CPNE4: variants seen among roughly 807,000 people sequenced by gnomAD.
CPNE4 encodes the protein copine-4.
Under a neutral mutation model 67.9 loss-of-function variants are expected in CPNE4, and 25 were observed. That is an observed-to-expected ratio of 0.37 (90% CI 0.27 to 0.51). The LOEUF (loss-of-function observed/expected upper bound fraction) is 0.51, where lower values mean the gene tolerates loss of function less well. Among genes scored for constraint, CPNE4 ranks in the 20% least tolerant of loss-of-function variants. The pLI is 0.93. For missense variants in CPNE4, 464 were observed against 690.8 expected, an observed-to-expected ratio of 0.67 and a Z score of 3.68; for synonymous variants, 242 against 244.9, an observed-to-expected ratio of 0.99 and a Z score of 0.11.
intron 2 of CPNE4, among the ~76,000 whole-genome samples, chr3:131,823,230 T>A (rs1475620953): frequency 6.6e-6 from 1 of 152,244 alleles, no homozygotes; most frequent in African/African-American, 2.4e-5. Context: ...TGCCATGCAT[T>A]GTGCTAGATG....
intron 2 of CPNE4, among the ~76,000 whole-genome samples, chr3:131,782,606 A>C (rs1246100418): frequency 6.6e-6 from 1 of 152,104 alleles, no homozygotes; most frequent in Non-Finnish European, 1.5e-5. Flanking sequence ...TAGATTTAAA[A>C]TGTTCTACTA....
intron 2 of CPNE4, among the ~76,000 whole-genome samples, chr3:131,778,347 A>G (rs1447527397): frequency 2.6e-5 from 4 of 152,046 alleles, no homozygotes; most frequent in Non-Finnish European, 5.9e-5. Flanking sequence ...GTCTTGGAGA[A>G]GCAGCCTGTC....
intron 3 of CPNE4, among the ~76,000 whole-genome samples, chr3:131,717,044 G>A (rs1051857471): frequency 9.9e-5 from 15 of 152,228 alleles, no homozygotes; most frequent in Admixed American, 6.5e-4. Flanking sequence ...GAAGGAAAAT[G>A]TTGATGTTTT....
chr3:131,891,420 G>GT lies in CPNE4; in HGVS notation c.180+13843dup, dbSNP rs58533568. Among the ~76,000 whole-genome samples the GT allele has an allele frequency of 2.4e-3, 365 of 149,956 alleles. 2 individuals carry two copies. Among genetic ancestry groups the GT allele is most frequent in the African/African-American group, 7.1e-3 (292 of 40,900 alleles). On this transcript the variant is annotated intron_variant, in intron 2 of 15. Coordinates refer to ENST00000429747, the MANE Select transcript of CPNE4 (RefSeq NM_130808.3). ...TTAATCAAAACTCATCAAGCTACGA[G>GT]TTTTTTTTTTAAACTTTTGAGTTCA...
intron 2 of CPNE4, among the ~76,000 whole-genome samples, chr3:131,899,381 T>C (rs1420663296): frequency 3.3e-5 from 5 of 152,144 alleles, no homozygotes; most frequent in African/African-American, 1.2e-4. Context: ...ACCAGAAATC[T>C]GGAGTTTTAT....
rs7646693 is a variant in CPNE4, at chr3:131,623,935, G to A, written c.682-36353C>T. On this transcript the variant is annotated intron_variant, in intron 7 of 15. Coordinates refer to ENST00000429747, the MANE Select transcript of CPNE4 (RefSeq NM_130808.3). ...ATCTATGCTGTATGAGGCATTACCC[G>A]ATGTGGGTAAAACATAAAGAGAGTA... 5.9e-3 allele frequency among the ~76,000 whole-genome samples: 896 copies of A among 152,228 alleles called. 7 individuals carry two copies. The highest frequency in any genetic ancestry group is 0.02 in the African/African-American group (833 of 41,530).
chr3:131,853,088 T>C lies in CPNE4; in HGVS notation c.180+52176A>G, dbSNP rs536934057. On this transcript the variant is annotated intron_variant, in intron 2 of 15. Coordinates refer to ENST00000429747, the MANE Select transcript of CPNE4 (RefSeq NM_130808.3). ...ATTGACCAGTTTATCCTAACATTTC[T>C]ATAAAAAGTCATGTGATCTGTAAGA... Among the ~76,000 whole-genome samples the C allele has an allele frequency of 8.6e-5, 13 of 151,908 alleles. No individual in the cohort carries two copies. The South Asian group carries it at 1.0e-3, about 12-fold the overall frequency.
intron 1 of CPNE4, among the ~76,000 whole-genome samples, chr3:131,960,598 A>G (rs1357220600): frequency 6.6e-6 from 1 of 152,190 alleles, no homozygotes; most frequent in African/African-American, 2.4e-5. Context: ...GAACTTGAAC[A>G]TTATAAAATG....
At chr3:131,783,781 A>T (rs932494653) in intron 2 of CPNE4, among the ~76,000 whole-genome samples, 3 of 152,058 alleles carry the variant, frequency 2.0e-5, no homozygotes, top group Non-Finnish European at 4.4e-5. Flanking sequence ...GCTGTGATGG[A>T]AAGCAAGCTA....
At chr3:132,027,899 T>G (rs1271867618) in intron 1 of CPNE4, among the ~76,000 whole-genome samples, 2 of 152,272 alleles carry the variant, frequency 1.3e-5, no homozygotes, top group African/African-American at 4.8e-5. Context: ...GATATTTGTA[T>G]GAAATACACC....
chr3:131,551,285 A>T (rs1479919149), intron 13 of CPNE4, among the ~76,000 whole-genome samples: 1 of 152,122 alleles, frequency 6.6e-6, no homozygotes, highest in Non-Finnish European at 1.5e-5. Flanking sequence ...CTAAAGACAG[A>T]TGCCAAGTCA....
intron 13 of CPNE4, among the ~76,000 whole-genome samples, 200 bp downstream of exon 13, chr3:131,552,240 G>C (rs377365930): frequency 2.6e-5 from 4 of 152,072 alleles, no homozygotes; most frequent in Admixed American, 1.3e-4. Context: ...TCTGCATTCT[G>C]TCTTTTCCAG....
chr3:131,622,519 C>A (rs1940529522), intron 7 of CPNE4, among the ~76,000 whole-genome samples: 1 of 152,166 alleles, frequency 6.6e-6, no homozygotes, highest in South Asian at 2.1e-4. Flanking sequence ...GGTTGACAGT[C>A]AGTAGCTGAG....
At chr3:131,703,527 T>G (rs1239113404) in intron 3 of CPNE4, among the ~76,000 whole-genome samples, 3 of 152,316 alleles carry the variant, frequency 2.0e-5, no homozygotes, top group Admixed American at 1.3e-4. Context: ...GGACAATGGC[T>G]TCTAACAGCA....
chr3:131,855,736 C>T (rs1052229782), intron 2 of CPNE4, among the ~76,000 whole-genome samples: 1 of 151,674 alleles, frequency 6.6e-6, no homozygotes, highest in African/African-American at 2.4e-5. Context: ...GATGAAAATA[C>T]AGTCATTTAA....
intron 1 of CPNE4, among the ~76,000 whole-genome samples, chr3:131,977,879 T>A (rs1037858531): frequency 6.6e-6 from 1 of 150,974 alleles, no homozygotes; most frequent in African/African-American, 2.4e-5. Flanking sequence ...GTCATTCTTA[T>A]GCCTTTGCAT....
At chr3:131,720,573 C>T (rs560231001) in intron 3 of CPNE4, among the ~76,000 whole-genome samples, 8 of 152,202 alleles carry the variant, frequency 5.3e-5, no homozygotes, top group African/African-American at 1.4e-4. Context: ...CGTGAGCCAC[C>T]GCGCCCGGCT....
intron 1 of CPNE4, among the ~76,000 whole-genome samples, chr3:131,966,579 G>T (rs967464555): frequency 2.6e-5 from 4 of 152,032 alleles, no homozygotes; most frequent in Middle Eastern, 6.3e-3. Context: ...TATCATCAGA[G>T]AATACTATAA....
intron 15 of CPNE4, among the ~76,000 whole-genome samples, chr3:131,541,594 C>G (rs1052317898): frequency 8.7e-5 from 13 of 149,382 alleles, no homozygotes; most frequent in Non-Finnish European, 1.6e-4. Flanking sequence ...TTTTTTTACC[C>G]TCTTGGTCAT....
Sources: allele counts gnomAD v4.1 joint callset (sites outside exome capture counted in the v4.1 genomes callset), GRCh38; gene constraint gnomAD v4.1.1; transcripts MANE v1.5; gene names NCBI Gene and HGNC (gene_info 2026-07-23, HGNC 2026-07-21).